Variants in KLK12 observed in about 807,000 individuals in gnomAD.
The protein encoded by KLK12 is kallikrein related peptidase 12.
Under a neutral mutation model 20.0 loss-of-function variants are expected in KLK12, and 23 were observed. The ratio of observed to expected loss-of-function variants is 1.15; its 90% CI spans 0.83 to 1.63. The LOEUF (loss-of-function observed/expected upper bound fraction) is 1.63, where lower values mean the gene tolerates loss of function less well. Ranked by LOEUF, KLK12 falls within the 40% of genes most tolerant of loss-of-function variation. The pLI, the probability that KLK12 is intolerant of heterozygous loss-of-function variation, is 0.00. For missense variants in KLK12, 351 were observed against 338.6 expected (o/e 1.04, Z -0.29); for synonymous variants, 147 against 141.9 (o/e 1.04, Z -0.25).
Position 51,029,303 on chromosome 19 carries a change from C to G in KLK12, c.746G>C (p.Ter249SerextTer11). 1 of 1,614,002 alleles carries G rather than the reference C, an allele frequency of 6.2e-7. No homozygotes were observed. Among genetic ancestry groups the G allele is most frequent in the East Asian group, 2.2e-5 (1 of 44,870 alleles). Residue 249 changes from the stop codon to serine, a stop_lost, in exon 6 of 6, where the codon TGA becomes TCA. Transcript: ENST00000684732. ...GGGGGTGGAGGTGGAGGAAACAGGT[C>G]AGTTGTTCCTCATGATCATCCGGAT... ...DWIRMIMRNN[*>S] is the part of the protein sequence containing the mutation.
intron 5 of KLK12, among the ~76,000 whole-genome samples, chr19:51,029,852 T>A (rs890476494): frequency 6.6e-6 from 1 of 151,558 alleles, no homozygotes. Context: ...AACACTATTA[T>A]CAATGACCAA....
At position 51,032,134 on chromosome 19, in the gene KLK12, T is replaced by A; in HGVS notation, c.199A>T (p.Arg67Trp). The change falls in exon 4 of 6, where the codon AGG (arginine) becomes TGG (tryptophan). Residue 67 changes from arginine to tryptophan, a missense_variant and splice_region_variant. By Grantham distance (101) the Arg-to-Trp change is moderately radical. Transcript: ENST00000684732. Reference protein sequence around the residue: ...VLTAAHCSGSRYWVRLGEHSL... With the variant: ...VLTAAHCSGSWYWVRLGEHSL... ...TGTTCCCCCAGGCGCACCCAGTACC[T>A]GCTGCCGGTGGCGACGGCTGAGCGG... The A allele has an allele frequency of 6.3e-7, 1 of 1,598,558 alleles. No homozygotes were observed. The highest frequency in any genetic ancestry group is 8.5e-7 in the Non-Finnish European group (1 of 1,176,752).
At chr19:51,032,713 A>G (rs1436004717) in intron 3 of KLK12, among the ~76,000 whole-genome samples, 2 of 151,736 alleles carry the variant, frequency 1.3e-5, no homozygotes, top group Admixed American at 6.6e-5. Flanking sequence ...TCGGCTGGTG[A>G]AGCCCATGAA....
chr19:51,033,729 G>C, intron 3 of KLK12: 1 of 578,098 alleles, frequency 1.7e-6, no homozygotes, highest in African/African-American at 1.9e-5. Context: ...GGAAAGAAAG[G>C]GTACATGCAG....
At chr19:51,034,191 T>C (rs1306938065) in intron 2 of KLK12, 52 bp from the exon 3 acceptor site, 2 of 1,525,130 alleles carry the variant, frequency 1.3e-6, no homozygotes, top group Non-Finnish European at 1.8e-6. Flanking sequence ...GATACAGAGA[T>C]GGAGAGACAC....
intron 5 of KLK12, among the ~76,000 whole-genome samples, chr19:51,029,852 T>C (rs890476494): frequency 1.3e-5 from 2 of 151,558 alleles, no homozygotes; most frequent in African/African-American, 2.4e-5. Flanking sequence ...AACACTATTA[T>C]CAATGACCAA....
chr19:51,034,439 G>T, intron 2 of KLK12, 146 bp downstream of exon 2: 1 of 1,489,280 alleles, frequency 6.7e-7, no homozygotes, highest in Non-Finnish European at 8.9e-7. Context: ...AGAGCTGCAG[G>T]TAAATGGAGG....
chr19:51,034,583 A>G lies in KLK12; in HGVS notation c.37+2T>C. ...CCCTCTCCCTGCTCCGGGAGAACTCACCAAGAACACACAGGAGCAAAAAGA... is the reference window on the plus strand; with the variant it reads ...CCCTCTCCCTGCTCCGGGAGAACTCGCCAAGAACACACAGGAGCAAAAAGA... On this transcript the variant is annotated splice_donor_variant, in intron 2 of 5. Transcript: ENST00000684732. LOFTEE classifies it high-confidence loss of function. 8 of 1,611,060 alleles carry G rather than the reference A, an allele frequency of 5.0e-6. No homozygotes were observed. The highest frequency in any genetic ancestry group is 6.8e-6 in the Non-Finnish European group (8 of 1,178,684).
Position 51,032,027 on chromosome 19 carries a change from C to T in KLK12, c.306G>A (p.Ser102=), listed in dbSNP as rs16988834. The T allele has an allele frequency of 4.6e-3, 7,441 of 1,609,336 alleles. 228 individuals carry two copies. In the African/African-American group the frequency reaches 0.072, roughly 16 times the overall value. The change falls in exon 4 of 6, where the codon TCG becomes TCA. Residue 102 remains serine (S), a synonymous_variant. Transcript: ENST00000684732. ...GCCGGAGGTCGTGCTCGTGGCTCGT[C>T]GAGGCTCCCAGGTAGCCGGGATGGG... is the stretch of plus-strand genomic sequence containing the variant. ...SVTHPGYLGA[S]TSHEHDLRLL...
intron 5 of KLK12, 93 bp from the exon 6 acceptor site, chr19:51,029,550 G>C: frequency 9.6e-7 from 1 of 1,037,910 alleles, no homozygotes; most frequent in Middle Eastern, 2.9e-4. Flanking sequence ...GCCTTGGGGA[G>C]GGCTCCAAGT....
chr19:51,034,163 T>C, intron 2 of KLK12, 24 bp from the exon 3 acceptor site: 1 of 1,549,892 alleles, frequency 6.5e-7, no homozygotes, highest in Non-Finnish European at 8.7e-7. Flanking sequence ...GGGGCATGGG[T>C]CAGAGAGAGG....
In KLK12 at chr19:51,029,287, G is replaced by A. The variant is rs377138982; in HGVS notation, c.*15C>T. The A allele has an allele frequency of 3.7e-6, 6 of 1,614,046 alleles. No individual in the cohort carries two copies. Among genetic ancestry groups the A allele is most frequent in the Non-Finnish European group, 5.1e-6 (6 of 1,180,028 alleles). On this transcript the variant is annotated 3_prime_UTR_variant, in exon 6 of 6. Transcript: ENST00000684732. ...ACCCAAGTTAAGGGGTGGGGGTGGA[G>A]GTGGAGGAAACAGGTCAGTTGTTCC... is the stretch of plus-strand genomic sequence containing the variant.
Position 51,029,174 on chromosome 19 carries a change from T to A in KLK12, c.*128A>T. 6.2e-7 allele frequency: 1 copy of A among 1,613,648 alleles called. No individual in the cohort carries two copies. The highest frequency in any genetic ancestry group is 8.5e-7 in the Non-Finnish European group (1 of 1,179,936). On this transcript the variant is annotated 3_prime_UTR_variant, in exon 6 of 6. Transcript: ENST00000684732. ...TGGGTCTTAGAAGGGCTGGCAGGAG[T>A]TAAAGTTCCAAGAAGTTCCCAGGCC...
Position 51,032,910 on chromosome 19 carries a change from C to A in KLK12, c.198-775G>T, listed in dbSNP as rs368988674. On this transcript the variant is annotated intron_variant, in intron 3 of 5. Transcript: ENST00000684732. ...TCTCTGTTTCTTTGCATCTGATCTC[C>A]CCTTTCACAAAAAAAGTTCCAGGCC... Among the ~76,000 whole-genome samples, 7 of 152,034 alleles carry A rather than the reference C, an allele frequency of 4.6e-5. No homozygotes were observed. The East Asian group carries it at 1.4e-3, about 29-fold the overall frequency.
Position 51,029,163 on chromosome 19 carries a change from G to GT in KLK12, c.*138_*139insA. ...CACCCCGCTCGTGGGTCTTAGAAGG[G>GT]CTGGCAGGAGTTAAAGTTCCAAGAA... On this transcript the variant is annotated 3_prime_UTR_variant, in exon 6 of 6. Coordinates refer to ENST00000684732, the MANE Select transcript of KLK12 (RefSeq NM_001370125.1). 6.2e-7 allele frequency: 1 copy of GT among 1,614,054 alleles called. No individual in the cohort carries two copies. The highest frequency in any genetic ancestry group is 1.3e-5 in the African/African-American group (1 of 75,014).
At chr19:51,034,226 A>G (rs2091589527) in intron 2 of KLK12, 87 bp from the exon 3 acceptor site, 8 of 1,407,758 alleles carry the variant, frequency 5.7e-6, no homozygotes, top group African/African-American at 1.4e-5. Flanking sequence ...AGAAACAGGC[A>G]GGAGAGAGAG....
At chr19:51,031,764 C>T (rs1387721706) in intron 4 of KLK12, 112 bp downstream of exon 4, 1 of 1,223,558 alleles carries the variant, frequency 8.2e-7, no homozygotes, top group Non-Finnish European at 1.2e-6. Flanking sequence ...TCCCATCCCA[C>T]ACCCTGACCC....
rs1332433049 is a variant in KLK12, at chr19:51,033,991, G to C, written c.186C>G (p.His62Gln). 11 of 1,611,520 alleles carry C rather than the reference G, an allele frequency of 6.8e-6. No homozygotes were observed. Among genetic ancestry groups the C allele is most frequent in the Non-Finnish European group, 9.3e-6 (11 of 1,179,366 alleles). ...IDHRWVLTAA[H>Q]CSGSRYWVRL... ...AGGAAGGGACTTACCTGCCGCTGCA[G>C]TGAGCCGCTGTGAGGACCCACCTGT... Residue 62 changes from histidine to glutamine, a missense_variant, in exon 3 of 6, where the codon CAC becomes CAG. Physicochemically the swap from His to Gln is conservative, Grantham distance 24. Transcript: ENST00000684732.
chr19:51,030,757 G>A, intron 5 of KLK12, 31 bp downstream of exon 5: 1 of 1,611,910 alleles, frequency 6.2e-7, no homozygotes, highest in Admixed American at 1.7e-5. Flanking sequence ...TCCTGTCCTG[G>A]TGACCACGCA....
Sources: allele counts gnomAD v4.1 joint callset (sites outside exome capture counted in the v4.1 genomes callset), GRCh38; gene constraint gnomAD v4.1.1; transcripts MANE v1.5; gene names NCBI Gene and HGNC (gene_info 2026-07-23, HGNC 2026-07-21).